Variants in DACH2 observed in about 807,000 individuals in gnomAD.
The protein encoded by DACH2 is dachshund family transcription factor 2, also known as dachshund homolog 2.
In DACH2, 17 loss-of-function variants were observed where a neutral mutation model predicts 35.8. The ratio of observed to expected loss-of-function variants is 0.48; its 90% CI spans 0.33 to 0.71. The LOEUF (loss-of-function observed/expected upper bound fraction) is 0.71, where lower values mean the gene tolerates loss of function less well. Among genes scored for constraint, DACH2 ranks in the 30% least tolerant of loss-of-function variants. DACH2 has a pLI of 0.02. For missense variants in DACH2, 469 were observed against 472.7 expected, an observed-to-expected ratio of 0.99 and a Z score of 0.07; for synonymous variants, 195 against 177.3, an observed-to-expected ratio of 1.10 and a Z score of -0.79.
chrX:86,651,252 G>T, intron 4 of DACH2, 85 bp downstream of exon 4: 1 of 979,915 alleles, frequency 1.0e-6, no homozygotes, highest in Non-Finnish European at 1.4e-6. Context: ...ATGGAGGAGA[G>T]AATAATAAGT....
At chrX:86,274,229 G>A (rs1200698989) in intron 1 of DACH2, among the ~76,000 whole-genome samples, 1 of 110,524 alleles carries the variant, frequency 9.0e-6, no homozygotes, top group Non-Finnish European at 1.9e-5. Flanking sequence ...GTACTGGGAA[G>A]CAGAACTATG....
At chrX:86,274,692 G>T (rs1469668393) in intron 1 of DACH2, among the ~76,000 whole-genome samples, 1 of 108,165 alleles carries the variant, frequency 9.2e-6, no homozygotes, top group Non-Finnish European at 1.9e-5. Context: ...TAGAGACGGG[G>T]TTTCACCGTG....
At chrX:86,503,562 C>CTTTG (rs2038281296) in intron 2 of DACH2, among the ~76,000 whole-genome samples, 2 of 112,182 alleles carry the variant, frequency 1.8e-5, no homozygotes, top group African/African-American at 6.5e-5. Flanking sequence ...GGGACTCTCA[C>CTTTG]ATGAAATGCA....
chrX:86,285,680 C>T (rs181907189), intron 1 of DACH2, among the ~76,000 whole-genome samples: 451 of 111,448 alleles, frequency 4.0e-3, no homozygotes, highest in African/African-American at 8.3e-3. Flanking sequence ...TATGTTCATT[C>T]GGCCTATAAG....
chrX:86,340,215 T>C (rs2035389907), intron 1 of DACH2, among the ~76,000 whole-genome samples: 1 of 111,715 alleles, frequency 9.0e-6, no homozygotes, highest in African/African-American at 3.3e-5. Flanking sequence ...TAAAGGTTTG[T>C]GGCAACCCCG....
chrX:86,691,950 G>T (rs1466576231), intron 4 of DACH2, among the ~76,000 whole-genome samples: 1 of 111,769 alleles, frequency 8.9e-6, no homozygotes, highest in African/African-American at 3.3e-5. Context: ...GGGTATTACT[G>T]CATCTTGACA....
At chrX:86,732,628 G>A (rs931836724) in intron 6 of DACH2, among the ~76,000 whole-genome samples, 17 of 111,943 alleles carry the variant, frequency 1.5e-4, no homozygotes, top group African/African-American at 5.5e-4. Context: ...CCAATGAAAT[G>A]GAGATGCTAA....
chrX:86,773,463 T>C (rs763366291), intron 7 of DACH2, among the ~76,000 whole-genome samples: 1 of 112,107 alleles, frequency 8.9e-6, no homozygotes, highest in Non-Finnish European at 1.9e-5. Context: ...TCAAGCTTGG[T>C]TTAACACAAA....
At chrX:86,808,993 C>A (rs189846839) in intron 7 of DACH2, among the ~76,000 whole-genome samples, 1 of 111,641 alleles carries the variant, frequency 9.0e-6, no homozygotes, top group East Asian at 2.8e-4. Flanking sequence ...TATATCTATT[C>A]ATCTGGGCTC....
At chrX:86,555,871 T>A (rs932281383) in intron 3 of DACH2, among the ~76,000 whole-genome samples, 2 of 111,605 alleles carry the variant, frequency 1.8e-5, no homozygotes, top group African/African-American at 3.3e-5. Flanking sequence ...GCTAATATCA[T>A]GTGAAGCACA....
In DACH2 at chrX:86,445,566, C is replaced by CAAAAAAAAAAA. The variant is rs34980646; in HGVS notation, c.528-68708_528-68698dup. ...AAAAAGAAACTACCATCAGAGTGAA[C>CAAAAAAAAAAA]AAAAAAAAAAAAAAAGAAATTTTTA... On this transcript the variant is annotated intron_variant, in intron 2 of 11. Transcript: ENST00000373125. 8.3e-5 allele frequency among the ~76,000 whole-genome samples: 4 copies of CAAAAAAAAAAA among 48,089 alleles called. 1 individual carries two copies. The highest frequency in any genetic ancestry group is 3.6e-4 in the African/African-American group (4 of 11,260). The allele number at this position is 48,089 out of a possible 115,157, so 41.8% of individuals were successfully genotyped here.
At chrX:86,736,158 T>TA (rs1055052626) in intron 6 of DACH2, among the ~76,000 whole-genome samples, 41 of 109,712 alleles carry the variant, frequency 3.7e-4, no homozygotes, top group African/African-American at 1.1e-3. Flanking sequence ...CACAGAGATT[T>TA]AAAAAAAAAC....
chrX:86,424,072 T>C (rs1220907341), intron 2 of DACH2, among the ~76,000 whole-genome samples: 4 of 111,159 alleles, frequency 3.6e-5, no homozygotes, highest in Non-Finnish European at 7.6e-5. Flanking sequence ...TACCATCTTG[T>C]TTTGGTTCCT....
intron 2 of DACH2, among the ~76,000 whole-genome samples, chrX:86,452,651 C>G (rs1221356335): frequency 9.0e-6 from 1 of 111,730 alleles, no homozygotes; most frequent in Non-Finnish European, 1.9e-5. Context: ...GTTTGCATTT[C>G]TATGGAGTCA....
chrX:86,315,582 A>G (rs1248952574), intron 1 of DACH2, among the ~76,000 whole-genome samples: 2 of 111,962 alleles, frequency 1.8e-5, no homozygotes, highest in Non-Finnish European at 3.8e-5. Flanking sequence ...TCACCATTCT[A>G]GTTGCCATTA....
At chrX:86,696,630 T>C in intron 5 of DACH2, among the ~76,000 whole-genome samples, 1 of 111,565 alleles carries the variant, frequency 9.0e-6, no homozygotes, top group East Asian at 2.8e-4. Flanking sequence ...TGCTGGAAAC[T>C]AGAGAGAAAG....
At chrX:86,371,339 T>C (rs1002652757) in intron 1 of DACH2, among the ~76,000 whole-genome samples, 1 of 111,010 alleles carries the variant, frequency 9.0e-6, no homozygotes, top group African/African-American at 3.3e-5. Flanking sequence ...TTTAAAAGAC[T>C]CAAGTGTGTG....
At chrX:86,315,490 A>G (rs1397964302) in intron 1 of DACH2, among the ~76,000 whole-genome samples, 2 of 111,653 alleles carry the variant, frequency 1.8e-5, no homozygotes, top group African/African-American at 6.5e-5. Context: ...TCTAAGGAAT[A>G]CATTTTGTAA....
At chrX:86,199,514 C>A (rs759388550) in intron 1 of DACH2, among the ~76,000 whole-genome samples, 3 of 111,515 alleles carry the variant, frequency 2.7e-5, no homozygotes, top group Non-Finnish European at 5.7e-5. Context: ...TCTAGAAAAC[C>A]CCATAGTCTC....
Sources: gnomAD v4.1 joint callset for allele counts (sites outside exome capture counted in the v4.1 genomes callset) on GRCh38, gnomAD v4.1.1 for gene constraint, MANE v1.5 for transcripts, NCBI Gene and HGNC (gene_info 2026-07-23, HGNC 2026-07-21) for gene names.